MACC1: variants seen among roughly 807,000 people sequenced by gnomAD.
MACC1 encodes MET transcriptional regulator MACC1, also known as metastasis-associated in colon cancer protein 1.
A neutral mutation model predicts 70.7 loss-of-function variants in MACC1; 79 were observed. That is an observed-to-expected ratio of 1.12 (90% confidence interval 0.93 to 1.35). The LOEUF (loss-of-function observed/expected upper bound fraction) is 1.35. MACC1 is among the 40% of genes most tolerant of loss of function. The pLI, the probability that MACC1 is intolerant of heterozygous loss-of-function variation, is 0.00. For missense variants in MACC1, 1,106 were observed against 978.1 expected (o/e 1.13, Z -1.74); for synonymous variants, 361 against 347.2 (o/e 1.04, Z -0.44).
intron 6 of MACC1, among the ~76,000 whole-genome samples, chr7:20,151,888 T>G (rs1781984528): frequency 6.6e-6 from 1 of 151,924 alleles, no homozygotes; most frequent in African/African-American, 2.4e-5. Flanking sequence ...ATGGACAGAG[T>G]GTAATGGTTA....
At chr7:20,156,056 G>C (rs1782050205) in intron 5 of MACC1, among the ~76,000 whole-genome samples, 1 of 152,142 alleles carries the variant, frequency 6.6e-6, no homozygotes, top group African/African-American at 2.4e-5. Flanking sequence ...GGATGCTGAA[G>C]TGCTTTAGAG....
At position 20,158,953 on chromosome 7, in the gene MACC1, ATTG is replaced by A. The variant is rs1562585509; in HGVS notation, c.1405_1407del (p.Gln469del). ...CTGTGCTCAACTAAAGAAAATAAAA[ATTG>A]TTGATGAACTACTTCACCTGCTTCC... On this transcript the variant is annotated inframe_deletion, in exon 5 of 7. Coordinates refer to ENST00000400331, the MANE Select transcript of MACC1 (RefSeq NM_182762.4). 9.3e-6 allele frequency: 15 copies of A among 1,614,014 alleles called. No individual in the cohort carries two copies. Among genetic ancestry groups the A allele is most frequent in the Non-Finnish European group, 1.2e-5 (14 of 1,180,000 alleles).
Position 20,154,225 on chromosome 7 carries a change from G to A in MACC1, c.2314C>T (p.His772Tyr). The A allele has an allele frequency of 6.2e-7, 1 of 1,613,950 alleles. No individual in the cohort carries two copies. The highest frequency in any genetic ancestry group is 8.5e-7 in the Non-Finnish European group (1 of 1,179,910). ...GCAACATCTCCAGTGTTTCCTCGAT[G>A]AGGAATTTCATATGCCTCCATTTGT... ...KQQMEAYEIP[H>Y]RGNTGDVAVE... Residue 772 changes from histidine to tyrosine, a missense_variant, in exon 6 of 7, where the codon CAT becomes TAT. Physicochemically the swap from His to Tyr is moderately conservative, Grantham distance 83. Coordinates refer to ENST00000400331, the MANE Select transcript of MACC1 (RefSeq NM_182762.4).
chr7:20,138,114 C>T lies in MACC1; in HGVS notation c.*2832G>A, dbSNP rs1781742868. ...GTTGCAGTGAGTCAAGATTGAAACA[C>T]CGCACTCCAGTCTGGGCAACAGAGC... On this transcript the variant is annotated 3_prime_UTR_variant, in exon 7 of 7. Transcript: ENST00000400331. The T allele has an allele frequency of 2.3e-5, 3 of 131,460 alleles. No individual in the cohort carries two copies. The highest frequency in any genetic ancestry group is 8.9e-5 in the African/African-American group (3 of 33,862). 8.1% of individuals were successfully genotyped at this position (131,460 alleles called of 1,614,324 possible).
intron 1 of MACC1, among the ~76,000 whole-genome samples, chr7:20,174,141 G>C (rs1583396464): frequency 1.3e-5 from 2 of 152,084 alleles, no homozygotes; most frequent in African/African-American, 4.8e-5. Flanking sequence ...CATAATTCTA[G>C]AATAAGTTAT....
chr7:20,140,992 A>T lies in MACC1; in HGVS notation c.2513T>A (p.Leu838Ter), dbSNP rs1218090866. The T allele has an allele frequency of 2.5e-6, 4 of 1,613,960 alleles. No homozygotes were observed. ...LTGVLILVNSLEVLRVTAFST... is the reference protein window; with the variant it reads ...LTGVLILVNS Reference sequence around the variant, plus strand: ...GAATGCAGTTACTCTCAAAACCTCCAAAGAATTTACTAGTATTAAAACTCC... The same window carrying T: ...GAATGCAGTTACTCTCAAAACCTCCTAAGAATTTACTAGTATTAAAACTCC... The change falls in exon 7 of 7, where the codon TTG (leucine) becomes TAG (stop). Residue 838 changes from leucine to a stop codon, truncating the protein, a stop_gained. Coordinates refer to ENST00000400331, the MANE Select transcript of MACC1 (RefSeq NM_182762.4). LOFTEE classifies it high-confidence loss of function.
chr7:20,196,949 GACT>G (rs1782763468), intron 1 of MACC1, among the ~76,000 whole-genome samples: 1 of 152,106 alleles, frequency 6.6e-6, no homozygotes, highest in Non-Finnish European at 1.5e-5. Flanking sequence ...GTACACATTT[GACT>G]ACTACCAGTC....
chr7:20,143,938 G>A (rs1450194557), intron 6 of MACC1, among the ~76,000 whole-genome samples: 1 of 152,040 alleles, frequency 6.6e-6, no homozygotes, highest in African/African-American at 2.4e-5. Flanking sequence ...AAAACAATAG[G>A]GCGTTGGTAA....
intron 1 of MACC1, among the ~76,000 whole-genome samples, chr7:20,207,565 A>G (rs148819968): frequency 4.3e-4 from 66 of 152,268 alleles, no homozygotes; most frequent in African/African-American, 1.5e-3. Flanking sequence ...AATAAATCAG[A>G]TATGTCCTAG....
chr7:20,200,258 TTTAAAA>T (rs1222566511), intron 1 of MACC1, among the ~76,000 whole-genome samples: 1 of 43,354 alleles, frequency 2.3e-5, no homozygotes, highest in Admixed American at 3.2e-4. Flanking sequence ...GATTAGTAGA[TTTAAAA>T]GATTTAAAAG....
chr7:20,167,549 C>T (rs968767174), intron 2 of MACC1, among the ~76,000 whole-genome samples: 3 of 151,242 alleles, frequency 2.0e-5, no homozygotes, highest in Non-Finnish European at 4.4e-5. Context: ...ACATTATATG[C>T]CCAAGATTAT....
At chr7:20,196,055 G>A (rs1201898141) in intron 1 of MACC1, among the ~76,000 whole-genome samples, 1 of 152,080 alleles carries the variant, frequency 6.6e-6, no homozygotes, top group Non-Finnish European at 1.5e-5. Flanking sequence ...TGGGAACTCA[G>A]TTTTCAAGAC....
intron 6 of MACC1, among the ~76,000 whole-genome samples, chr7:20,149,523 A>C (rs548589807): frequency 6.6e-5 from 10 of 152,190 alleles, no homozygotes; most frequent in Non-Finnish European, 1.5e-4. Flanking sequence ...AGAAAAGTAA[A>C]GTAATTTGCC....
At chr7:20,153,403 G>C (rs1322810751) in intron 6 of MACC1, 3 of 152,142 alleles carry the variant, frequency 2.0e-5, no homozygotes, top group African/African-American at 7.2e-5. Flanking sequence ...CTAATAGAGA[G>C]AAGATTTCCT....
intron 1 of MACC1, among the ~76,000 whole-genome samples, chr7:20,185,381 T>C (rs765153327): frequency 2.0e-5 from 3 of 152,134 alleles, no homozygotes; most frequent in Admixed American, 6.5e-5. Context: ...CTGAATGAAA[T>C]TGACATGTAA....
At chr7:20,216,760 T>A (rs1220005083) in intron 1 of MACC1, among the ~76,000 whole-genome samples, 5 of 152,182 alleles carry the variant, frequency 3.3e-5, no homozygotes. Context: ...TATCTTTTAT[T>A]CATAATTTAA....
chr7:20,203,442 T>C (rs1006033281), intron 1 of MACC1, among the ~76,000 whole-genome samples: 1 of 152,224 alleles, frequency 6.6e-6, no homozygotes. Flanking sequence ...CGTGCATACA[T>C]GCACTTTGGA....
chr7:20,141,214 C>T (rs1018171889), intron 6 of MACC1, 56 bp from the exon 7 acceptor site: 4 of 1,237,392 alleles, frequency 3.2e-6, no homozygotes, highest in East Asian at 2.5e-5. Context: ...AGAGGAAAAT[C>T]GTTTTTAAAA....
intron 1 of MACC1, among the ~76,000 whole-genome samples, chr7:20,212,287 T>C (rs1283953621): frequency 6.6e-6 from 1 of 152,176 alleles, no homozygotes; most frequent in African/African-American, 2.4e-5. Context: ...CCAGTGGAAA[T>C]AGAAAACATA....
Sources: allele counts gnomAD v4.1 joint callset (sites outside exome capture counted in the v4.1 genomes callset), GRCh38; gene constraint gnomAD v4.1.1; transcripts MANE v1.5; gene names NCBI Gene and HGNC (gene_info 2026-07-23, HGNC 2026-07-21).